Variants in ATP10B observed in about 807,000 individuals in gnomAD.
The protein encoded by ATP10B is ATPase phospholipid transporting 10B (putative).
ATP10B carries 122 observed loss-of-function variants against 141.2 expected under a neutral mutation model. The observed-to-expected ratio is 0.86, with a 90% CI of 0.75 to 1.00. The LOEUF (loss-of-function observed/expected upper bound fraction) is 1.00, where lower values mean the gene tolerates loss of function less well. Among genes scored for constraint, ATP10B ranks in the 50% least tolerant of loss-of-function variants. The pLI is 0.00. For missense variants in ATP10B, 1,876 were observed against 1,825.3 expected (o/e 1.03, Z -0.51); for synonymous variants, 685 against 692.0 (o/e 0.99, Z 0.16).
At chr5:160,817,925 C>T (rs1452693272) in intron 1 of ATP10B, among the ~76,000 whole-genome samples, 1 of 152,182 alleles carries the variant, frequency 6.6e-6, no homozygotes, top group Non-Finnish European at 1.5e-5. Context: ...ATAAATGGTG[C>T]TGGGGGAACT....
intron 2 of ATP10B, among the ~76,000 whole-genome samples, chr5:160,718,501 T>A (rs1765788327): frequency 1.3e-5 from 2 of 152,114 alleles, no homozygotes; most frequent in Non-Finnish European, 1.5e-5. Context: ...AGAAAAGAAG[T>A]TTATTTAGCT....
At chr5:160,694,060 A>G (rs1764231096) in intron 3 of ATP10B, among the ~76,000 whole-genome samples, 1 of 152,222 alleles carries the variant, frequency 6.6e-6, no homozygotes, top group African/African-American at 2.4e-5. Flanking sequence ...GAAGAGTGCC[A>G]GGGAAATGAC....
chr5:160,570,745 T>C (rs1036615559), intron 24 of ATP10B, among the ~76,000 whole-genome samples: 1 of 152,216 alleles, frequency 6.6e-6, no homozygotes, highest in Non-Finnish European at 1.5e-5. Flanking sequence ...CCACCCGAGG[T>C]ATCTTTTTAA....
the ATP10B span, among the ~76,000 whole-genome samples, chr5:160,866,372 G>A: frequency 6.6e-6 from 1 of 152,080 alleles, no homozygotes; most frequent in Non-Finnish European, 1.5e-5. Flanking sequence ...GGGATGCAAA[G>A]CCATAAGAAT....
At chr5:160,747,039 A>G (rs1041389062) in intron 2 of ATP10B, among the ~76,000 whole-genome samples, 13 of 152,242 alleles carry the variant, frequency 8.5e-5, no homozygotes, top group African/African-American at 3.1e-4. Flanking sequence ...AAACTGAGAC[A>G]TTTCACATAG....
chr5:160,810,927 A>C (rs919561956), intron 1 of ATP10B, among the ~76,000 whole-genome samples: 1 of 152,158 alleles, frequency 6.6e-6, no homozygotes, highest in South Asian at 2.1e-4. Flanking sequence ...TTGTAATTTT[A>C]TAGTTATCAT....
chr5:160,716,843 C>T, intron 3 of ATP10B, 66 bp downstream of exon 3: 1 of 934,264 alleles, frequency 1.1e-6, no homozygotes, highest in Non-Finnish European at 1.3e-6. Context: ...ATTGGAGCTA[C>T]ATCCACCTCA....
intron 1 of ATP10B, among the ~76,000 whole-genome samples, chr5:160,828,627 A>AC (rs1774815775): frequency 6.6e-6 from 1 of 151,562 alleles, no homozygotes; most frequent in Admixed American, 6.6e-5. Flanking sequence ...AACTAGTTCA[A>AC]CCATTGTGGA....
At chr5:160,925,476 C>A in the ATP10B span, among the ~76,000 whole-genome samples, 18 of 152,222 alleles carry the variant, frequency 1.2e-4, no homozygotes, top group African/African-American at 4.1e-4. Context: ...ACACAGCTAG[C>A]AACTGGCAGT....
chr5:160,762,187 T>C (rs1469199329), intron 2 of ATP10B, among the ~76,000 whole-genome samples: 1 of 152,216 alleles, frequency 6.6e-6, no homozygotes, highest in Admixed American at 6.5e-5. Context: ...GCTGGAGATC[T>C]AGACATCCAA....
At chr5:160,701,476 G>C (rs1289317114) in intron 3 of ATP10B, among the ~76,000 whole-genome samples, 1 of 152,182 alleles carries the variant, frequency 6.6e-6, no homozygotes, top group East Asian at 1.9e-4. Context: ...GTGCTCCACA[G>C]TACTCTTCCT....
At chr5:160,882,627 C>G in the ATP10B span, among the ~76,000 whole-genome samples, 2 of 151,894 alleles carry the variant, frequency 1.3e-5, no homozygotes, top group South Asian at 2.1e-4. Context: ...CTTTATAAAA[C>G]CCTCCTGAAA....
chr5:160,864,164 G>T, the ATP10B span, among the ~76,000 whole-genome samples: 1 of 151,728 alleles, frequency 6.6e-6, no homozygotes, highest in East Asian at 1.9e-4. Context: ...CATCCCTGAC[G>T]CAAAAACATA....
At chr5:160,732,582 G>T (rs1332836043) in intron 2 of ATP10B, among the ~76,000 whole-genome samples, 6 of 152,130 alleles carry the variant, frequency 3.9e-5, no homozygotes, top group African/African-American at 1.4e-4. Context: ...TAAGTTCTTG[G>T]CAACGTTGTC....
chr5:160,857,076 C>A (rs1754018221), upstream of ATP10B, among the ~76,000 whole-genome samples: 1 of 151,714 alleles, frequency 6.6e-6, no homozygotes, highest in Non-Finnish European at 1.5e-5. Context: ...CTTCATAAAA[C>A]AATTTGAGAT....
At chr5:160,799,961 G>T (rs13175076) in intron 1 of ATP10B, among the ~76,000 whole-genome samples, 65,624 of 152,066 alleles carry the variant, frequency 0.43, 14,308 homozygotes, top group African/African-American at 0.49. Flanking sequence ...GGAGCACTCA[G>T]TGCCAGTTAC....
chr5:160,770,384 C>T (rs765320911), intron 2 of ATP10B, among the ~76,000 whole-genome samples: 4 of 151,946 alleles, frequency 2.6e-5, no homozygotes, highest in Non-Finnish European at 5.9e-5. Flanking sequence ...CTTGGAATTG[C>T]AAATATCTGA....
chr5:160,769,620 GGC>G (rs1356802592), intron 2 of ATP10B, among the ~76,000 whole-genome samples: 1 of 152,170 alleles, frequency 6.6e-6, no homozygotes, highest in Non-Finnish European at 1.5e-5. Flanking sequence ...GACAGAAAAT[GGC>G]AAAGGCAGAA....
intron 6 of ATP10B, among the ~76,000 whole-genome samples, chr5:160,677,745 G>A (rs1288720815): frequency 1.3e-5 from 2 of 152,184 alleles, no homozygotes; most frequent in Non-Finnish European, 2.9e-5. Flanking sequence ...AATACCTGCA[G>A]GCAGCAACCC....
Sources: gnomAD v4.1 joint callset for allele counts (sites outside exome capture counted in the v4.1 genomes callset) on GRCh38, gnomAD v4.1.1 for gene constraint, MANE v1.5 for transcripts, NCBI Gene and HGNC (gene_info 2026-07-23, HGNC 2026-07-21) for gene names.